The following C16orf74 variants were observed in gnomAD, a reference collection of about 807,000 sequenced individuals.
The protein encoded by C16orf74 is calcimembrin.
Under a neutral mutation model 6.5 loss-of-function variants are expected in C16orf74, and 10 were observed. That is an observed-to-expected ratio of 1.54 (90% CI 0.95 to 2.61). The LOEUF is 2.61. C16orf74 is among the 30% of genes most tolerant of loss of function. The pLI is 0.00. For missense variants in C16orf74, 141 were observed against 105.9 expected (o/e 1.33, Z -1.45); for synonymous variants, 60 against 42.5 (o/e 1.41, Z -1.60).
At chr16:85,721,984 T>C in intron 2 of C16orf74, among the ~76,000 whole-genome samples, 1 of 149,730 alleles carries the variant, frequency 6.7e-6, no homozygotes, top group South Asian at 2.1e-4. Flanking sequence ...TAACCTTTTT[T>C]TTTTTTTTTT....
chr16:85,710,404 T>C, intron 2 of C16orf74, 97 bp from the exon 3 acceptor site: 2 of 1,246,916 alleles, frequency 1.6e-6, no homozygotes, highest in Non-Finnish European at 2.1e-6. Context: ...CTCCCTTCAC[T>C]ATCACCTGGG....
chr16:85,728,008 G>T (rs1399617779), intron 2 of C16orf74, among the ~76,000 whole-genome samples: 4 of 145,806 alleles, frequency 2.7e-5, no homozygotes, highest in Non-Finnish European at 4.5e-5. Context: ...GCGTGGTGTT[G>T]TACACCTATA....
intron 2 of C16orf74, chr16:85,710,740 C>T (rs189846505): frequency 7.5e-5 from 12 of 159,776 alleles, no homozygotes; most frequent in East Asian, 1.8e-4. Flanking sequence ...CTGCTCCCCC[C>T]GCCTGGGATG....
At chr16:85,739,987 A>G (rs555654315) in intron 1 of C16orf74, among the ~76,000 whole-genome samples, 11 of 151,680 alleles carry the variant, frequency 7.3e-5, no homozygotes, top group African/African-American at 2.7e-4. Context: ...AGGCGGGTGG[A>G]TCGCCTGAGG....
chr16:85,743,253 T>C, intron 1 of C16orf74: 1 of 152,190 alleles, frequency 6.6e-6, no homozygotes, highest in African/African-American at 2.4e-5. Context: ...CATACAGTTG[T>C]CTAAACATAG....
intron 2 of C16orf74, among the ~76,000 whole-genome samples, chr16:85,717,581 AG>A (rs1036872543): frequency 5.9e-5 from 9 of 152,262 alleles, no homozygotes; most frequent in African/African-American, 2.2e-4. Context: ...GCCGGGGCCT[AG>A]GGGGTCCTGA....
chr16:85,714,382 TTTATTTATTTATTTATTTA>T (rs1481601124), intron 2 of C16orf74, among the ~76,000 whole-genome samples: 8 of 77,700 alleles, frequency 1.0e-4, no homozygotes, highest in East Asian at 8.9e-4. Flanking sequence ...AGACCTATTA[TTTATTTATTTATTTATTTA>T]TTATTTATTT....
At chr16:85,749,731 A>T (rs529927767) in intron 1 of C16orf74, among the ~76,000 whole-genome samples, 1 of 152,352 alleles carries the variant, frequency 6.6e-6, no homozygotes, top group Non-Finnish European at 1.5e-5. Context: ...CACTGACGGC[A>T]CGCTCCCATT....
At chr16:85,722,709 C>T (rs947740678) in intron 2 of C16orf74, among the ~76,000 whole-genome samples, 3 of 152,208 alleles carry the variant, frequency 2.0e-5, no homozygotes, top group East Asian at 1.9e-4. Flanking sequence ...GCAACCTCAG[C>T]GAATCTTACA....
intron 2 of C16orf74, among the ~76,000 whole-genome samples, chr16:85,724,050 G>A (rs939322773): frequency 6.6e-6 from 1 of 151,924 alleles, no homozygotes; most frequent in Admixed American, 6.6e-5. Context: ...CTGTTGCCCA[G>A]GCTGGAATGC....
At chr16:85,740,931 T>C (rs419468) in intron 1 of C16orf74, among the ~76,000 whole-genome samples, 46,871 of 151,198 alleles carry the variant, frequency 0.31, 7,737 homozygotes, top group Middle Eastern at 0.46. Flanking sequence ...AGGAACATAG[T>C]GATACGCATG....
At chr16:85,746,109 G>A (rs777645431) in intron 1 of C16orf74, among the ~76,000 whole-genome samples, 4 of 152,182 alleles carry the variant, frequency 2.6e-5, no homozygotes, top group African/African-American at 9.7e-5. Context: ...CACTTTGGGA[G>A]GATGAGGCGG....
At chr16:85,710,383 C>A in intron 2 of C16orf74, 76 bp from the exon 3 acceptor site, 2 of 1,381,864 alleles carry the variant, frequency 1.4e-6, no homozygotes, top group South Asian at 1.5e-5. Context: ...CCGGGAACCG[C>A]GGGCGCCACC....
intron 2 of C16orf74, among the ~76,000 whole-genome samples, chr16:85,732,850 G>C: frequency 6.6e-6 from 1 of 152,094 alleles, no homozygotes; most frequent in South Asian, 2.1e-4. Context: ...CGGGACAGGC[G>C]CTGTTCCAGC....
At chr16:85,728,221 G>C (rs190843199) in intron 2 of C16orf74, among the ~76,000 whole-genome samples, 18 of 152,292 alleles carry the variant, frequency 1.2e-4, no homozygotes, top group Admixed American at 1.0e-3. Flanking sequence ...TGATTGGTTT[G>C]CTGTAACGAG....
intron 1 of C16orf74, among the ~76,000 whole-genome samples, chr16:85,738,920 T>C (rs2054273726): frequency 6.6e-6 from 1 of 152,114 alleles, no homozygotes; most frequent in African/African-American, 2.4e-5. Context: ...ATTAGTTAAC[T>C]TGCCTAAGGT....
chr16:85,747,106 G>A (rs2054382853), intron 1 of C16orf74, among the ~76,000 whole-genome samples: 1 of 152,166 alleles, frequency 6.6e-6, no homozygotes, highest in Non-Finnish European at 1.5e-5. Flanking sequence ...CCACGGATGA[G>A]CCGTGTGACT....
At chr16:85,738,279 C>T (rs1056757998) in intron 1 of C16orf74, among the ~76,000 whole-genome samples, 6 of 151,682 alleles carry the variant, frequency 4.0e-5, no homozygotes, top group African/African-American at 1.2e-4. Context: ...TGAGCCCCAC[C>T]CCCAGAGATT....
At chr16:85,718,320 C>T (rs1357130814) in intron 2 of C16orf74, among the ~76,000 whole-genome samples, 1 of 152,188 alleles carries the variant, frequency 6.6e-6, no homozygotes, top group Non-Finnish European at 1.5e-5. Flanking sequence ...CCTGCCTTGG[C>T]CTCCCAAAGT....
Sources: gnomAD v4.1 joint callset for allele counts (sites outside exome capture counted in the v4.1 genomes callset) on GRCh38, gnomAD v4.1.1 for gene constraint, MANE v1.5 for transcripts, NCBI Gene and HGNC (gene_info 2026-07-23, HGNC 2026-07-21) for gene names.